The following SNTB2 variants were observed in gnomAD, a reference collection of about 807,000 sequenced individuals.
SNTB2 encodes beta-2-syntrophin.
In SNTB2, 34 loss-of-function variants were observed where a neutral mutation model predicts 46.2. The observed-to-expected ratio is 0.74, with a 90% CI of 0.56 to 0.98. The LOEUF (loss-of-function observed/expected upper bound fraction) is 0.98, where lower values mean the gene tolerates loss of function less well. Ranked by LOEUF, SNTB2 falls within the 50% of genes least tolerant of loss-of-function variation. SNTB2 has a pLI of 0.00. For synonymous variants in SNTB2, 290 were observed against 312.6 expected, an observed-to-expected ratio of 0.93 and a Z score of 0.76; for missense variants, 603 against 731.4, an observed-to-expected ratio of 0.82 and a Z score of 2.02.
intron 3 of SNTB2, among the ~76,000 whole-genome samples, chr16:69,267,500 T>C (rs988297258): frequency 2.0e-5 from 3 of 152,258 alleles, no homozygotes; most frequent in Non-Finnish European, 2.9e-5. Context: ...AGAGCTGATA[T>C]TGTCCTTCCA....
rs1567414678 is a variant in SNTB2, at chr16:69,284,459, T to TGAAAAAAAA, written c.1345+215_1345+216insGAAAAAAAA. Among the ~76,000 whole-genome samples the TGAAAAAAAA allele has an allele frequency of 6.5e-5, 3 of 45,866 alleles. 1 individual carries two copies. The highest frequency in any genetic ancestry group is 8.5e-5 in the African/African-American group (1 of 11,744). The allele number at this position is 45,866 out of a possible 152,430, so 30.1% of individuals were successfully genotyped here. A position where few individuals can be genotyped will look rare whatever the true frequency, so the allele number is the denominator to read the frequency against. ...CAACATGGTGAAACCCCGTCTTTAC[T>TGAAAAAAAA]AAAAAAAAAAAAAAAAAAAAAAAAA... On this transcript the variant is annotated intron_variant, in intron 5 of 6. Coordinates refer to ENST00000336278, the MANE Select transcript of SNTB2 (RefSeq NM_006750.4).
At chr16:69,216,420 C>T (rs576895737) in intron 1 of SNTB2, among the ~76,000 whole-genome samples, 18 of 151,910 alleles carry the variant, frequency 1.2e-4, no homozygotes, top group African/African-American at 3.9e-4. Context: ...TGGTGGCTCA[C>T]GCCTATAATC....
At position 69,268,706 on chromosome 16, in the gene SNTB2, A is replaced by G. The variant is rs752134607; in HGVS notation, c.1006-1437A>G. Among the ~76,000 whole-genome samples, 53 of 152,042 alleles carry G rather than the reference A, an allele frequency of 3.5e-4. No individual in the cohort carries two copies. The South Asian group carries it at 4.2e-3, about 12-fold the overall frequency. On this transcript the variant is annotated intron_variant, in intron 3 of 6. Coordinates refer to ENST00000336278, the MANE Select transcript of SNTB2 (RefSeq NM_006750.4). ...ACAGTGAAACCCCGTCTCTACTAAAATACAAAAAATTAGCTGGGCGTGGCA... is the reference window on the plus strand; with the variant it reads ...ACAGTGAAACCCCGTCTCTACTAAAGTACAAAAAATTAGCTGGGCGTGGCA...
At chr16:69,238,114 C>G (rs998517059) in intron 1 of SNTB2, among the ~76,000 whole-genome samples, 1 of 152,150 alleles carries the variant, frequency 6.6e-6, no homozygotes, top group East Asian at 1.9e-4. Context: ...CATCAGCAGA[C>G]TTCCTTGGCC....
intron 4 of SNTB2, among the ~76,000 whole-genome samples, chr16:69,273,196 T>TA (rs962215454): frequency 2.0e-5 from 3 of 152,188 alleles, no homozygotes; most frequent in African/African-American, 7.2e-5. Flanking sequence ...AAGCTAAACA[T>TA]AGAGTCACCC....
At chr16:69,270,891 CAT>C (rs1324914128) in intron 4 of SNTB2, among the ~76,000 whole-genome samples, 1 of 152,150 alleles carries the variant, frequency 6.6e-6, no homozygotes, top group African/African-American at 2.4e-5. Flanking sequence ...AACTAGAAAA[CAT>C]ATCCAAATTC....
chr16:69,196,380 T>C (rs1463592471), intron 1 of SNTB2, among the ~76,000 whole-genome samples: 1 of 150,582 alleles, frequency 6.6e-6, no homozygotes, highest in Non-Finnish European at 1.5e-5. Context: ...CTTTTTCTTT[T>C]TTTTTTTTTT....
chr16:69,187,603 TC>T lies in SNTB2; in HGVS notation c.441del (p.Leu149TrpfsTer18), dbSNP rs1329499974. 1.9e-6 allele frequency: 3 copies of T among 1,556,200 alleles called. No homozygotes were observed. Among genetic ancestry groups the T allele is most frequent in the Admixed American group, 3.9e-5 (2 of 51,826 alleles). On this transcript the variant is annotated frameshift_variant, in exon 1 of 7. Coordinates refer to ENST00000336278, the MANE Select transcript of SNTB2 (RefSeq NM_006750.4). LOFTEE classifies it high-confidence loss of function. The stretch of plus-strand genomic sequence containing the variant: ...ATGCCGATCCTCATCTCCAAGATCT[TC>T]CCCGGGCTGGCTGCCGACCAGAGCC... ...NRMPILISKIFPGLAADQSRA... is the reference protein window; with the variant it reads ...NRMPILISKIXPGLAADQSRA...
intron 5 of SNTB2, among the ~76,000 whole-genome samples, chr16:69,293,844 A>G (rs1008689684): frequency 2.0e-5 from 3 of 152,176 alleles, no homozygotes; most frequent in Non-Finnish European, 2.9e-5. Context: ...AGAGGGACAG[A>G]TGGAAGAGAA....
At chr16:69,226,020 G>C (rs543685953) in intron 1 of SNTB2, among the ~76,000 whole-genome samples, 1 of 151,768 alleles carries the variant, frequency 6.6e-6, no homozygotes, top group Admixed American at 6.6e-5. Flanking sequence ...TGCCCGCCTC[G>C]GCCTCCCAAA....
chr16:69,190,900 C>A (rs1057146352), intron 1 of SNTB2, among the ~76,000 whole-genome samples: 1 of 152,002 alleles, frequency 6.6e-6, no homozygotes, highest in Non-Finnish European at 1.5e-5. Flanking sequence ...TTGCAATTCA[C>A]GTGTTGAGTA....
At chr16:69,228,771 C>T (rs187246294) in intron 1 of SNTB2, among the ~76,000 whole-genome samples, 5 of 152,238 alleles carry the variant, frequency 3.3e-5, no homozygotes, top group Non-Finnish European at 5.9e-5. Context: ...CCCTCAAGCA[C>T]AGGCCTGTGT....
intron 3 of SNTB2, among the ~76,000 whole-genome samples, 166 bp downstream of exon 3, chr16:69,260,426 A>G (rs544933053): frequency 5.2e-4 from 79 of 152,008 alleles, no homozygotes; most frequent in African/African-American, 1.9e-3. Context: ...TTCTCCTTCT[A>G]CCTTTGTCTA....
At chr16:69,281,626 A>G (rs1223545739) in intron 4 of SNTB2, among the ~76,000 whole-genome samples, 1 of 151,612 alleles carries the variant, frequency 6.6e-6, no homozygotes, top group Non-Finnish European at 1.5e-5. Context: ...CGAGGCAGGC[A>G]GATCACCTGA....
chr16:69,278,889 AGTGTGTGTGTGTGTGTGTGTGTGT>A (rs71148981), intron 4 of SNTB2, among the ~76,000 whole-genome samples: 1 of 140,912 alleles, frequency 7.1e-6, no homozygotes, highest in Admixed American at 7.2e-5. Flanking sequence ...AGGTGGGAAG[AGTGTGTGTGTGTGTGTGTGTGTGT>A]GTGTGTGTGT....
intron 1 of SNTB2, among the ~76,000 whole-genome samples, chr16:69,201,079 A>G (rs933964289): frequency 2.0e-5 from 3 of 152,208 alleles, no homozygotes; most frequent in African/African-American, 7.2e-5. Flanking sequence ...CAGGGCCTCC[A>G]GGGGCCTGGT....
At chr16:69,288,506 T>TA (rs1391358745) in intron 5 of SNTB2, among the ~76,000 whole-genome samples, 19 of 152,362 alleles carry the variant, frequency 1.2e-4, no homozygotes, top group African/African-American at 4.1e-4. Context: ...TGGTAACTGT[T>TA]AGAGTAGCTA....
chr16:69,228,317 C>T (rs1964477284), intron 1 of SNTB2, among the ~76,000 whole-genome samples: 1 of 151,682 alleles, frequency 6.6e-6, no homozygotes, highest in African/African-American at 2.4e-5. Flanking sequence ...ACTAGCCTGG[C>T]CAACATGGTG....
At chr16:69,266,844 G>A (rs1256858755) in intron 3 of SNTB2, among the ~76,000 whole-genome samples, 1 of 152,012 alleles carries the variant, frequency 6.6e-6, no homozygotes, top group African/African-American at 2.4e-5. Flanking sequence ...AGTCTCCTGA[G>A]TCGCTGGGAC....
Sources: allele counts gnomAD v4.1 joint callset (sites outside exome capture counted in the v4.1 genomes callset), GRCh38; gene constraint gnomAD v4.1.1; transcripts MANE v1.5; gene names NCBI Gene and HGNC (gene_info 2026-07-23, HGNC 2026-07-21).